ASXL3: variants seen among roughly 807,000 people sequenced by gnomAD.
The protein encoded by ASXL3 is putative Polycomb group protein ASXL3.
In ASXL3, 34 loss-of-function variants were observed where a neutral mutation model predicts 170.6. The observed-to-expected ratio is 0.20, with a 90% confidence interval of 0.15 to 0.27. ASXL3 has a LOEUF of 0.27. ASXL3 is among the 10% of genes least tolerant of loss of function. The probability of loss-of-function intolerance (pLI) is 1.00; values close to 1 mark genes in which losing one functional copy is unlikely to be tolerated. For missense variants in ASXL3, 2,592 were observed against 2,695.3 expected (o/e 0.96, Z 0.85); for synonymous variants, 1,002 against 989.1 (o/e 1.01, Z -0.24).
intron 4 of ASXL3, among the ~76,000 whole-genome samples, chr18:33,650,000 C>T (rs1025043945): frequency 2.0e-5 from 3 of 152,086 alleles, no homozygotes; most frequent in Non-Finnish European, 4.4e-5. Context: ...AAATTCAGCA[C>T]CCCTCCATTT....
intron 9 of ASXL3, 112 bp from the exon 10 acceptor site, chr18:33,734,198 C>T: frequency 6.7e-6 from 4 of 599,084 alleles, no homozygotes; most frequent in South Asian, 3.1e-5. Context: ...ATTATTTGTC[C>T]TTGTACTTTT....
At chr18:33,659,187 A>G (rs960450689) in intron 4 of ASXL3, among the ~76,000 whole-genome samples, 1 of 152,068 alleles carries the variant, frequency 6.6e-6, no homozygotes, top group Admixed American at 6.6e-5. Context: ...CGAGGCCTCA[A>G]TTACATGTAC....
Position 33,743,257 on chromosome 18 carries a change from G to A in ASXL3, c.3409G>A (p.Glu1137Lys). 6.2e-7 allele frequency: 1 copy of A among 1,613,914 alleles called. No individual in the cohort carries two copies. Among genetic ancestry groups the A allele is most frequent in the Non-Finnish European group, 8.5e-7 (1 of 1,179,830 alleles). Residue 1137 changes from glutamate (E) to lysine (K), a missense_variant, in exon 12 of 12, where the codon GAA becomes AAA. By Grantham distance (56) the Glu-to-Lys change is moderately conservative. Coordinates refer to ENST00000269197, the MANE Select transcript of ASXL3 (RefSeq NM_030632.3). ...GTTGCCTCCTCCGCTCAGCTCAAAG[G>A]AAGGGCCTCCAAACTTAGAAGTCTC... is the stretch of plus-strand genomic sequence containing the variant. ...TRLPPPLSSK[E>K]GPPNLEVSST...
rs1426486741 is a variant in ASXL3 at position 33,747,656 on chromosome 18, G to C, written c.*1061G>C. The C allele has an allele frequency of 6.6e-6, 1 of 152,096 alleles. No individual in the cohort carries two copies. The highest frequency in any genetic ancestry group is 1.5e-5 in the Non-Finnish European group (1 of 68,018). 9.4% of individuals were successfully genotyped at this position (152,096 alleles called of 1,614,324 possible). On this transcript the variant is annotated 3_prime_UTR_variant, in exon 12 of 12. Transcript: ENST00000269197. ...ATTGATGATAAAAGGGACTACCCAA[G>C]GCTAAAGCGTCAACATTTTTCAGAA...
At chr18:33,587,626 A>G (rs1471805419) in intron 1 of ASXL3, among the ~76,000 whole-genome samples, 1 of 152,142 alleles carries the variant, frequency 6.6e-6, no homozygotes, top group African/African-American at 2.4e-5. Flanking sequence ...AGATGGTCAC[A>G]TATCTTCTCC....
At chr18:33,588,685 T>C (rs2065053668) in intron 1 of ASXL3, among the ~76,000 whole-genome samples, 1 of 152,164 alleles carries the variant, frequency 6.6e-6, no homozygotes, top group Admixed American at 6.5e-5. Flanking sequence ...CTAGGTCCCA[T>C]GTCTGTACCT....
chr18:33,654,510 TATGAAATAATTAGTAGTGATGCCC>T (rs2066051481), intron 4 of ASXL3, among the ~76,000 whole-genome samples: 1 of 152,090 alleles, frequency 6.6e-6, no homozygotes, highest in African/African-American at 2.4e-5. Flanking sequence ...TATGATAAAG[TATGAAATAATTAGTAGTGATGCCC>T]ATGAATGAAA....
intron 8 of ASXL3, among the ~76,000 whole-genome samples, chr18:33,724,547 A>G (rs1207741565): frequency 6.6e-6 from 1 of 152,070 alleles, no homozygotes; most frequent in African/African-American, 2.4e-5. Flanking sequence ...TCAGTTCCCA[A>G]ACTATTCTGG....
Position 33,670,766 on chromosome 18 carries a change from G to C in ASXL3, c.571G>C (p.Asp191His), listed in dbSNP as rs2066328281. The change falls in exon 6 of 12, where the codon GAT becomes CAT. Residue 191 changes from aspartate to histidine, a missense_variant. Around this residue, in one of 4 missense-constraint regions of ASXL3, gnomAD observed 251 missense variants for 281.9 expected, o/e 0.89. Coordinates refer to ENST00000269197, the MANE Select transcript of ASXL3 (RefSeq NM_030632.3). ...TGTTTTGACACCATTAAAGGTGTCT[G>C]ATGAGCAGTCGGATTCGCCTTCAGG... The part of the protein sequence containing the change: ...RVVLTPLKVS[D>H]EQSDSPSGSE... 6.4e-7 allele frequency: 1 copy of C among 1,551,666 alleles called. No homozygotes were observed. The highest frequency in any genetic ancestry group is 1.4e-5 in the African/African-American group (1 of 73,164).
At chr18:33,607,804 C>G (rs774730291) in intron 2 of ASXL3, 128 bp downstream of exon 2, 15 of 734,846 alleles carry the variant, frequency 2.0e-5, no homozygotes, top group Non-Finnish European at 3.3e-5. Context: ...CAAATTCTTT[C>G]TAATTAAGAA....
At chr18:33,616,370 C>T (rs1313287500) in intron 2 of ASXL3, among the ~76,000 whole-genome samples, 1 of 150,956 alleles carries the variant, frequency 6.6e-6, no homozygotes, top group East Asian at 1.9e-4. Flanking sequence ...TCGAGCCCCA[C>T]AAGAAATTCA....
intron 2 of ASXL3, among the ~76,000 whole-genome samples, chr18:33,631,681 C>T (rs1034937820): frequency 3.3e-5 from 5 of 152,058 alleles, no homozygotes; most frequent in African/African-American, 9.7e-5. Flanking sequence ...AACTTGGTTG[C>T]ACATTTGAAT....
At chr18:33,641,617 C>A (rs1599433234) in intron 2 of ASXL3, among the ~76,000 whole-genome samples, 1 of 152,082 alleles carries the variant, frequency 6.6e-6, no homozygotes, top group East Asian at 1.9e-4. Flanking sequence ...ACCTTTTAGC[C>A]CAGTGCCCCA....
intron 8 of ASXL3, among the ~76,000 whole-genome samples, chr18:33,703,696 C>A (rs2066915456): frequency 6.6e-6 from 1 of 151,596 alleles, no homozygotes; most frequent in Non-Finnish European, 1.5e-5. Flanking sequence ...CACTTTTTGG[C>A]CAAAATTGCC....
chr18:33,745,176 C>T lies in ASXL3; in HGVS notation c.5328C>T (p.Asn1776=). ...QPRLGAKLEI[N]RLPLPLQTTS... Reference sequence around the variant, plus strand: ...GATTGGGAGCCAAGCTTGAAATCAACAGGCTTCCATTGCCTCTTCAAACTA... The same window carrying T: ...GATTGGGAGCCAAGCTTGAAATCAATAGGCTTCCATTGCCTCTTCAAACTA... Residue 1776 remains asparagine, a synonymous_variant, in exon 12 of 12, where the codon AAC becomes AAT. Transcript: ENST00000269197. 1.9e-6 allele frequency: 3 copies of T among 1,614,000 alleles called. No homozygotes were observed. Among genetic ancestry groups the T allele is most frequent in the Middle Eastern group, 1.6e-4 (1 of 6,062 alleles).
intron 2 of ASXL3, chr18:33,627,159 T>C (rs548625899): frequency 2.0e-5 from 3 of 152,326 alleles, no homozygotes; most frequent in African/African-American, 7.2e-5. Flanking sequence ...TCCCCTGTCA[T>C]TTAGTGGGCA....
At chr18:33,656,370 G>A (rs2066084540) in intron 4 of ASXL3, among the ~76,000 whole-genome samples, 1 of 152,072 alleles carries the variant, frequency 6.6e-6, no homozygotes, top group African/African-American at 2.4e-5. Context: ...ATTGGTAAAA[G>A]GCTGCACCCC....
chr18:33,599,544 A>G (rs1233522927), intron 1 of ASXL3, among the ~76,000 whole-genome samples: 1 of 152,198 alleles, frequency 6.6e-6, no homozygotes, highest in African/African-American at 2.4e-5. Context: ...GGCCAATAAA[A>G]TAAGGGAAAC....
intron 7 of ASXL3, 73 bp from the exon 8 acceptor site, chr18:33,683,332 G>A: frequency 7.7e-7 from 1 of 1,294,204 alleles, no homozygotes. Context: ...ATATGTGGCT[G>A]TGTTTGTGTG....
Sources: gnomAD v4.1 joint callset for allele counts (sites outside exome capture counted in the v4.1 genomes callset) on GRCh38, gnomAD v4.1.1 for gene constraint, gnomAD v4.1.1 regional missense constraint, MANE v1.5 for transcripts, NCBI Gene and HGNC (gene_info 2026-07-23, HGNC 2026-07-21) for gene names.